The following GPM6A variants were observed in gnomAD, a reference collection of about 807,000 sequenced individuals.
GPM6A encodes glycoprotein M6A, also known as neuronal membrane glycoprotein M6-a.
Under a neutral mutation model 32.1 loss-of-function variants are expected in GPM6A, and 7 were observed. The ratio of observed to expected loss-of-function variants is 0.22; its 90% CI spans 0.12 to 0.41. The LOEUF is 0.41. Among genes scored for constraint, GPM6A ranks in the 10% least tolerant of loss-of-function variants. GPM6A has a pLI of 1.00. For missense variants in GPM6A, 235 were observed against 347.2 expected (o/e 0.68, Z 2.57); for synonymous variants, 130 against 123.4 (o/e 1.05, Z -0.35).
intron 1 of GPM6A, among the ~76,000 whole-genome samples, chr4:175,998,572 C>T (rs1319301275): frequency 1.3e-5 from 2 of 152,150 alleles, no homozygotes; most frequent in African/African-American, 2.4e-5. Flanking sequence ...CCACTGCTTC[C>T]CCAGTCTTCA....
chr4:175,743,101 T>C (rs1459532781), intron 1 of GPM6A, among the ~76,000 whole-genome samples: 1 of 150,560 alleles, frequency 6.6e-6, no homozygotes, highest in African/African-American at 2.4e-5. Flanking sequence ...AAAACATAAA[T>C]GGAAAATAAT....
Position 175,633,323 on chromosome 4 carries a change from A to AAATT in GPM6A, c.*1578_*1581dup, listed in dbSNP as rs1486031709. On this transcript the variant is annotated 3_prime_UTR_variant, in exon 7 of 7. Transcript: ENST00000393658. ...AAGAAAAGGAAGCAAAATGAACCCC[A>AAATT]AATTAATTAAATAATACTACGGAAT... 6.6e-6 allele frequency: 1 copy of AAATT among 152,468 alleles called. No homozygotes were observed. The highest frequency in any genetic ancestry group is 6.6e-5 in the Admixed American group (1 of 15,254). The allele number at this position is 152,468 out of a possible 1,614,324, so 9.4% of individuals were successfully genotyped here.
intron 2 of GPM6A, among the ~76,000 whole-genome samples, chr4:175,700,525 G>T (rs935590989): frequency 2.0e-5 from 3 of 152,096 alleles, no homozygotes; most frequent in Non-Finnish European, 4.4e-5. Context: ...GGAATGATAA[G>T]ATTAAAAAGC....
chr4:175,943,803 C>G (rs559258391), intron 1 of GPM6A, among the ~76,000 whole-genome samples: 1 of 152,002 alleles, frequency 6.6e-6, no homozygotes, highest in African/African-American at 2.4e-5. Flanking sequence ...TGAGGGTTTT[C>G]GCATCGATGT....
intron 1 of GPM6A, among the ~76,000 whole-genome samples, chr4:175,871,145 G>A (rs78241839): frequency 2.4e-3 from 364 of 151,778 alleles, no homozygotes; most frequent in African/African-American, 8.1e-3. Flanking sequence ...CAAACAGTTC[G>A]AACCAAAATT....
chr4:175,926,522 T>C (rs1218390284), intron 1 of GPM6A, among the ~76,000 whole-genome samples: 1 of 152,188 alleles, frequency 6.6e-6, no homozygotes, highest in Non-Finnish European at 1.5e-5. Flanking sequence ...TTACATGGTG[T>C]TGAAATTTGA....
chr4:175,920,112 C>T (rs1738618462), intron 1 of GPM6A, among the ~76,000 whole-genome samples: 1 of 152,200 alleles, frequency 6.6e-6, no homozygotes, highest in South Asian at 2.1e-4. Context: ...ATGTTTATGT[C>T]TGTATGTGTG....
At chr4:175,806,373 G>A (rs183641988) in intron 1 of GPM6A, among the ~76,000 whole-genome samples, 13 of 152,216 alleles carry the variant, frequency 8.5e-5, no homozygotes, top group East Asian at 1.9e-4. Flanking sequence ...TTTAATTCAA[G>A]GAATTAATGA....
intron 1 of GPM6A, among the ~76,000 whole-genome samples, chr4:175,803,094 T>C (rs1011913570): frequency 6.6e-6 from 1 of 152,102 alleles, no homozygotes; most frequent in African/African-American, 2.4e-5. Flanking sequence ...ATTGACCTCT[T>C]CTTCTTCCTC....
chr4:175,899,149 C>T (rs1335058168), intron 1 of GPM6A, among the ~76,000 whole-genome samples: 1 of 152,090 alleles, frequency 6.6e-6, no homozygotes, highest in African/African-American at 2.4e-5. Flanking sequence ...CTCTATTGCA[C>T]AGAATTCATG....
intron 1 of GPM6A, among the ~76,000 whole-genome samples, chr4:175,708,401 T>TTATTTATC (rs1184511478): frequency 6.7e-6 from 1 of 150,368 alleles, no homozygotes; most frequent in African/African-American, 2.4e-5. Context: ...ATTTATTTAT[T>TTATTTATC]TGAGATGGAG....
chr4:175,739,089 TACAGC>T (rs1731779344), intron 1 of GPM6A, among the ~76,000 whole-genome samples: 1 of 152,198 alleles, frequency 6.6e-6, no homozygotes, highest in Admixed American at 6.6e-5. Context: ...TAAAGAAAAC[TACAGC>T]TGTGCCTGAC....
At chr4:175,902,411 G>T (rs1045459736) in intron 1 of GPM6A, among the ~76,000 whole-genome samples, 2 of 152,180 alleles carry the variant, frequency 1.3e-5, no homozygotes, top group African/African-American at 4.8e-5. Flanking sequence ...AAATAAGCAA[G>T]TTAGAAGCTT....
In GPM6A at chr4:175,646,974, A is replaced by G. The variant is rs545010399; in HGVS notation, c.541+4860T>C. Among the ~76,000 whole-genome samples the G allele has an allele frequency of 5.9e-5, 9 of 152,332 alleles. No individual in the cohort carries two copies. The South Asian group carries it at 1.4e-3, about 25-fold the overall frequency. On this transcript the variant is annotated intron_variant, in intron 4 of 6. Transcript: ENST00000393658. ...GCCTGAAAAAGCCTTCCTTCCTGGC[A>G]ATACTTTCTGTCTCAGTGACTGGCT...
chr4:175,760,124 G>A (rs28617550), intron 1 of GPM6A, among the ~76,000 whole-genome samples: 64,168 of 151,826 alleles, frequency 0.42, 13,861 homozygotes, highest in African/African-American at 0.46. Flanking sequence ...TGCAGTGAGC[G>A]GAGATCACTC....
At chr4:175,948,276 A>C (rs937182781) in intron 1 of GPM6A, among the ~76,000 whole-genome samples, 6 of 152,214 alleles carry the variant, frequency 3.9e-5, no homozygotes, top group Non-Finnish European at 7.3e-5. Context: ...GGAGGTAATT[A>C]GGTCATGAGG....
intron 2 of GPM6A, among the ~76,000 whole-genome samples, chr4:175,674,679 C>A (rs1022287098): frequency 1.3e-5 from 2 of 152,054 alleles, no homozygotes; most frequent in African/African-American, 4.8e-5. Flanking sequence ...TAGTTGTATT[C>A]TATTTTGTAC....
At chr4:175,811,879 G>A (rs1009195227) in intron 1 of GPM6A, 3 of 209,230 alleles carry the variant, frequency 1.4e-5, no homozygotes, top group Non-Finnish European at 2.8e-5. Flanking sequence ...GACCCAGCTC[G>A]GCAAGTGTGA....
chr4:175,693,284 A>G (rs1744396377), intron 2 of GPM6A, among the ~76,000 whole-genome samples: 2 of 148,724 alleles, frequency 1.3e-5, no homozygotes, highest in South Asian at 4.2e-4. Context: ...ATGCATACAT[A>G]TATACATATA....
Sources: allele counts gnomAD v4.1 joint callset (sites outside exome capture counted in the v4.1 genomes callset), GRCh38; gene constraint gnomAD v4.1.1; transcripts MANE v1.5; gene names NCBI Gene and HGNC (gene_info 2026-07-23, HGNC 2026-07-21).